The following SLC9C1 variants were observed in gnomAD, a reference collection of about 807,000 sequenced individuals.
The protein encoded by SLC9C1 is sodium/hydrogen exchanger 10.
Under a neutral mutation model 140.9 loss-of-function variants are expected in SLC9C1, and 97 were observed. That is an observed-to-expected ratio of 0.69 (90% CI 0.58 to 0.82). SLC9C1 has a LOEUF of 0.82. Among genes scored for constraint, SLC9C1 ranks in the 40% least tolerant of loss-of-function variants. The pLI, the probability that SLC9C1 is intolerant of heterozygous loss-of-function variation, is 0.00. For synonymous variants in SLC9C1, 440 were observed against 442.6 expected (o/e 0.99, Z 0.07); for missense variants, 1,340 against 1,389.3 (o/e 0.96, Z 0.56).
intron 25 of SLC9C1, among the ~76,000 whole-genome samples, chr3:112,168,362 CACACA>C (rs759412183): frequency 0.077 from 7,002 of 90,402 alleles, 281 homozygotes; most frequent in East Asian, 0.34. Context: ...CACACACACA[CACACA>C]ACTTCTTTCC....
intron 12 of SLC9C1, among the ~76,000 whole-genome samples, chr3:112,233,420 C>A (rs13080128): frequency 0.3 from 44,979 of 151,940 alleles, 7,215 homozygotes; most frequent in East Asian, 0.43. Context: ...TGAATTTAAA[C>A]ATATATATTT....
At chr3:112,283,989 GA>G (rs991678729) in intron 2 of SLC9C1, among the ~76,000 whole-genome samples, 28 of 152,070 alleles carry the variant, frequency 1.8e-4, no homozygotes, top group Non-Finnish European at 4.4e-5. Flanking sequence ...TTGCCTCCGC[GA>G]CCCCAAGGAT....
chr3:112,224,682 A>T (rs1226957645), intron 13 of SLC9C1, among the ~76,000 whole-genome samples: 1 of 152,016 alleles, frequency 6.6e-6, no homozygotes, highest in East Asian at 1.9e-4. Flanking sequence ...AACAAACTAG[A>T]TCAAACAGAA....
intron 23 of SLC9C1, among the ~76,000 whole-genome samples, chr3:112,171,319 A>G (rs2077243617): frequency 2.6e-5 from 4 of 152,160 alleles, no homozygotes. Flanking sequence ...GTAGGTGTGT[A>G]TTGACGTACC....
chr3:112,200,792 T>C, intron 18 of SLC9C1, 30 bp from the exon 19 acceptor site: 1 of 1,569,780 alleles, frequency 6.4e-7, no homozygotes, highest in Non-Finnish European at 8.7e-7. Context: ...TTATCCCCAT[T>C]GGAAAAACAG....
chr3:112,223,655 A>C (rs2078603004), intron 13 of SLC9C1, among the ~76,000 whole-genome samples: 1 of 151,988 alleles, frequency 6.6e-6, no homozygotes, highest in Non-Finnish European at 1.5e-5. Context: ...GAAAGAAATT[A>C]AACAGCAAGA....
intron 26 of SLC9C1, among the ~76,000 whole-genome samples, chr3:112,163,778 T>C (rs1024328512): frequency 6.6e-6 from 1 of 152,184 alleles, no homozygotes; most frequent in Admixed American, 6.6e-5. Flanking sequence ...TCTGTAGATG[T>C]CTATTAGGTC....
At chr3:112,228,214 G>A (rs2078731584) in intron 13 of SLC9C1, among the ~76,000 whole-genome samples, 1 of 152,044 alleles carries the variant, frequency 6.6e-6, no homozygotes, top group African/African-American at 2.4e-5. Context: ...CACAGACCAA[G>A]AGAACAGAAT....
chr3:112,242,336 T>A (rs550083929), intron 11 of SLC9C1, among the ~76,000 whole-genome samples: 1 of 152,294 alleles, frequency 6.6e-6, no homozygotes, highest in African/African-American at 2.4e-5. Context: ...CACAATGGCA[T>A]ACCATTAAGC....
At position 112,209,717 on chromosome 3, in the gene SLC9C1, A is replaced by T. The variant is rs1576346965; in HGVS notation, c.1791-1344T>A. Among the ~76,000 whole-genome samples the T allele has an allele frequency of 4.6e-5, 7 of 152,302 alleles. 2 individuals are homozygous for T. Among genetic ancestry groups the T allele is most frequent in the Admixed American group, 4.6e-4 (7 of 15,292 alleles). On this transcript the variant is annotated intron_variant, in intron 15 of 28. Transcript: ENST00000305815. ...ACTAGAAAGTACTGATCTGAAAATG[A>T]AATTATGAAAACAATTATATTTAAA...
intron 28 of SLC9C1, among the ~76,000 whole-genome samples, chr3:112,150,137 C>T (rs990589015): frequency 6.6e-6 from 1 of 152,168 alleles, no homozygotes; most frequent in East Asian, 1.9e-4. Context: ...AGTGAAGGCT[C>T]CTACCCTGCT....
chr3:112,276,123 T>A (rs368392961), intron 5 of SLC9C1, among the ~76,000 whole-genome samples: 1 of 152,092 alleles, frequency 6.6e-6, no homozygotes, highest in East Asian at 1.9e-4. Flanking sequence ...AACTGCTGGA[T>A]TCATGAGAAA....
chr3:112,260,982 G>T lies in SLC9C1; in HGVS notation c.1197+1942C>A, dbSNP rs73853377. ...GCCTCCCCAAATTCTAGCTACTTAA[G>T]TAGCCCTAAACTCTCATATAGGTAT... On this transcript the variant is annotated intron_variant, in intron 10 of 28. Transcript: ENST00000305815. Among the ~76,000 whole-genome samples the T allele has an allele frequency of 4.5e-3, 687 of 152,076 alleles. 7 individuals are homozygous for T. Among genetic ancestry groups the T allele is most frequent in the African/African-American group, 0.015 (603 of 41,490 alleles).
At chr3:112,267,046 T>C (rs2079937253) in intron 7 of SLC9C1, among the ~76,000 whole-genome samples, 1 of 151,990 alleles carries the variant, frequency 6.6e-6, no homozygotes, top group Admixed American at 6.6e-5. Flanking sequence ...TTTGGGAGGC[T>C]GACGGATGAC....
At chr3:112,270,645 A>G (rs1273624970) in intron 6 of SLC9C1, among the ~76,000 whole-genome samples, 1 of 152,152 alleles carries the variant, frequency 6.6e-6, no homozygotes, top group Non-Finnish European at 1.5e-5. Flanking sequence ...GCGAAATCCC[A>G]TCTCTATTAA....
At chr3:112,286,292 T>C (rs112769888) in intron 2 of SLC9C1, among the ~76,000 whole-genome samples, 1 of 152,326 alleles carries the variant, frequency 6.6e-6, no homozygotes, top group African/African-American at 2.4e-5. Flanking sequence ...AGGTCAAAGA[T>C]AGTGCAAAAA....
chr3:112,255,112 T>A (rs1201142825), intron 10 of SLC9C1, among the ~76,000 whole-genome samples: 1 of 152,082 alleles, frequency 6.6e-6, no homozygotes, highest in Non-Finnish European at 1.5e-5. Flanking sequence ...ACAAAGAGAC[T>A]TATACTCCCA....
At chr3:112,148,738 G>T (rs748069199) in intron 28 of SLC9C1, among the ~76,000 whole-genome samples, 1 of 152,202 alleles carries the variant, frequency 6.6e-6, no homozygotes, top group Non-Finnish European at 1.5e-5. Flanking sequence ...AGTGGTCTGA[G>T]CTCCCTGCTC....
At chr3:112,286,251 T>C (rs2080504730) in intron 2 of SLC9C1, among the ~76,000 whole-genome samples, 1 of 152,252 alleles carries the variant, frequency 6.6e-6, no homozygotes, top group Non-Finnish European at 1.5e-5. Flanking sequence ...ATTTCATTTT[T>C]TTCTGCTTCT....
Sources: gnomAD v4.1 joint callset for allele counts (sites outside exome capture counted in the v4.1 genomes callset) on GRCh38, gnomAD v4.1.1 for gene constraint, MANE v1.5 for transcripts, NCBI Gene and HGNC (gene_info 2026-07-23, HGNC 2026-07-21) for gene names.